The following SHCBP1L variants were observed in gnomAD, a reference collection of about 807,000 sequenced individuals.
SHCBP1L encodes the protein testicular spindle-associated protein SHCBP1L.
A neutral mutation model predicts 62.5 loss-of-function variants in SHCBP1L; 67 were observed. That is an observed-to-expected ratio of 1.07 (90% CI 0.88 to 1.31). The LOEUF is 1.31. Among genes scored for constraint, SHCBP1L ranks in the 40% most tolerant of loss-of-function variants. The pLI is 0.00. For missense variants in SHCBP1L, 823 were observed against 809.8 expected, an observed-to-expected ratio of 1.02 and a Z score of -0.20; for synonymous variants, 284 against 289.4, an observed-to-expected ratio of 0.98 and a Z score of 0.19.
chr1:182,933,183 C>T (rs1651064297), intron 5 of SHCBP1L, among the ~76,000 whole-genome samples: 1 of 152,200 alleles, frequency 6.6e-6, no homozygotes, highest in Non-Finnish European at 1.5e-5. Flanking sequence ...GGATTACAGG[C>T]ATGAGCCACC....
intron 6 of SHCBP1L, among the ~76,000 whole-genome samples, chr1:182,919,683 G>A (rs779720546): frequency 2.0e-5 from 3 of 152,124 alleles, no homozygotes; most frequent in Non-Finnish European, 4.4e-5. Context: ...CAGGTCAATG[G>A]GTCAAAGCTA....
chr1:182,944,855 G>A (rs1651500064), intron 2 of SHCBP1L, among the ~76,000 whole-genome samples: 1 of 151,866 alleles, frequency 6.6e-6, no homozygotes, highest in Non-Finnish European at 1.5e-5. Context: ...TCACAGGTGA[G>A]CCATATGGTG....
chr1:182,918,564 T>A (rs935166107), intron 6 of SHCBP1L, among the ~76,000 whole-genome samples: 4 of 152,174 alleles, frequency 2.6e-5, no homozygotes, highest in South Asian at 4.1e-4. Context: ...TTAATATTGC[T>A]AAAATAGCAA....
At position 182,908,235 on chromosome 1, in the gene SHCBP1L, C is replaced by CCCTCCCTTCTTCCTCCT. The variant is rs1650076469; in HGVS notation, c.1183-2587_1183-2586insAGGAGGAAGAAGGGAGG. Among the ~76,000 whole-genome samples the CCCTCCCTTCTTCCTCCT allele has an allele frequency of 2.6e-5, 4 of 151,506 alleles. No homozygotes were observed. In the South Asian group the frequency reaches 8.4e-4, roughly 32 times the overall value. On this transcript the variant is annotated intron_variant, in intron 6 of 9. Transcript: ENST00000367547. ...GCATCCAGGTATTGAGCATAGTACC[C>CCCTCCCTTCTTCCTCCT]GATAGGTAGTTTTTCAACAGACATC...
At chr1:182,900,389 T>C (rs957029448) in intron 9 of SHCBP1L, among the ~76,000 whole-genome samples, 155 bp from the exon 10 acceptor site, 1 of 152,230 alleles carries the variant, frequency 6.6e-6, no homozygotes. Context: ...AAGTACTGTT[T>C]TCATGACACC....
intron 2 of SHCBP1L, 38 bp downstream of exon 2, chr1:182,951,280 G>A (rs1381108644): frequency 4.2e-6 from 6 of 1,422,940 alleles, no homozygotes; most frequent in Non-Finnish European, 5.6e-6. Context: ...TAAAAGAACT[G>A]ATTCAAAAAG....
chr1:182,914,285 A>C (rs1650284757), intron 6 of SHCBP1L, among the ~76,000 whole-genome samples: 1 of 152,212 alleles, frequency 6.6e-6, no homozygotes, highest in Admixed American at 6.5e-5. Context: ...TGAAATAGAC[A>C]ACAGAAGTAA....
At chr1:182,918,215 T>C (rs558288022) in intron 6 of SHCBP1L, among the ~76,000 whole-genome samples, 1 of 147,748 alleles carries the variant, frequency 6.8e-6, no homozygotes, top group South Asian at 2.1e-4. Context: ...TATATACACA[T>C]ATATATACAC....
rs1649983829 is a variant in SHCBP1L at position 182,905,525 on chromosome 1, G to A, written c.1307C>T (p.Ala436Val). The stretch of plus-strand genomic sequence containing the variant: ...TATAATGATGTCATCTGTCAACAAA[G>A]CAAGATTTGCAGCTTGATATTCTCC... ...FPGEYQAANL[A>V]LLTDDIIIKG... The change falls in exon 7 of 10, where the codon GCT becomes GTT. Residue 436 changes from alanine (A) to valine (V), a missense_variant. Transcript: ENST00000367547. 3.1e-6 allele frequency: 5 copies of A among 1,613,624 alleles called. 1 individual carries two copies. Among genetic ancestry groups the A allele is most frequent in the Non-Finnish European group, 4.2e-6 (5 of 1,179,798 alleles).
At chr1:182,902,051 CT>C (rs889668641) in intron 9 of SHCBP1L, among the ~76,000 whole-genome samples, 501 of 142,322 alleles carry the variant, frequency 3.5e-3, no homozygotes, top group African/African-American at 0.012. Flanking sequence ...TTTTTTCTTT[CT>C]TTTTTTTTCT....
intron 5 of SHCBP1L, among the ~76,000 whole-genome samples, chr1:182,930,697 G>GTA (rs1167360510): frequency 1.4e-5 from 1 of 70,948 alleles, no homozygotes; most frequent in African/African-American, 8.9e-5. Context: ...GTGTGTGTGT[G>GTA]TGTGTGTATA....
At chr1:182,951,583 A>C in intron 1 of SHCBP1L, 116 bp from the exon 2 acceptor site, 1 of 645,400 alleles carries the variant, frequency 1.5e-6, no homozygotes, top group Non-Finnish European at 2.3e-6. Context: ...TATAGCCTTA[A>C]ATAATGAATG....
intron 2 of SHCBP1L, 61 bp from the exon 3 acceptor site, chr1:182,940,604 TTC>T: frequency 1.4e-6 from 2 of 1,400,684 alleles, no homozygotes; most frequent in South Asian, 2.7e-5. Context: ...ACCGCAGGAT[TTC>T]TTTCTCATAT....
intron 6 of SHCBP1L, among the ~76,000 whole-genome samples, chr1:182,919,261 C>T (rs1436058995): frequency 6.6e-6 from 1 of 152,206 alleles, no homozygotes; most frequent in Non-Finnish European, 1.5e-5. Flanking sequence ...AAGGCACTGG[C>T]AGGTTTGGTG....
chr1:182,904,475 T>C (rs1204769999), intron 7 of SHCBP1L, 45 bp from the exon 8 acceptor site: 1 of 1,598,388 alleles, frequency 6.3e-7, no homozygotes, highest in East Asian at 2.2e-5. Context: ...AATCTCCCAT[T>C]TTAAGGCCCT....
At chr1:182,932,581 G>GC (rs1480958582) in intron 5 of SHCBP1L, among the ~76,000 whole-genome samples, 3 of 152,056 alleles carry the variant, frequency 2.0e-5, no homozygotes, top group African/African-American at 7.2e-5. Flanking sequence ...TGCAACCTCT[G>GC]CCTCCCGGGT....
intron 6 of SHCBP1L, among the ~76,000 whole-genome samples, chr1:182,907,347 C>T (rs1325310892): frequency 1.3e-5 from 2 of 149,726 alleles, no homozygotes; most frequent in African/African-American, 4.9e-5. Context: ...GCAGGAGAAT[C>T]GCTTGAACCC....
intron 6 of SHCBP1L, among the ~76,000 whole-genome samples, chr1:182,927,826 C>T (rs1167446620): frequency 6.6e-6 from 1 of 152,078 alleles, no homozygotes; most frequent in Non-Finnish European, 1.5e-5. Context: ...TTATTCTGGC[C>T]TCCAAAGTTC....
chr1:182,932,714 C>T (rs182082946), intron 5 of SHCBP1L, among the ~76,000 whole-genome samples: 31 of 152,202 alleles, frequency 2.0e-4, no homozygotes, highest in African/African-American at 5.5e-4. Flanking sequence ...AGGCTTGTCT[C>T]GAACTCTTGA....
Sources: gnomAD v4.1 joint callset for allele counts (sites outside exome capture counted in the v4.1 genomes callset) on GRCh38, gnomAD v4.1.1 for gene constraint, MANE v1.5 for transcripts, NCBI Gene and HGNC (gene_info 2026-07-23, HGNC 2026-07-21) for gene names.